SPIRE1: variants seen among roughly 807,000 people sequenced by gnomAD.
SPIRE1 encodes the protein spire type actin nucleation factor 1, also known as protein spire homolog 1.
A neutral mutation model predicts 94.1 loss-of-function variants in SPIRE1; 40 were observed. The observed-to-expected ratio is 0.43, with a 90% CI of 0.33 to 0.55. The LOEUF (loss-of-function observed/expected upper bound fraction) is 0.55. Among genes scored for constraint, SPIRE1 ranks in the 20% least tolerant of loss-of-function variants. The probability of loss-of-function intolerance (pLI) is 0.06; values close to 1 mark genes in which losing one functional copy is unlikely to be tolerated. For missense variants in SPIRE1, 838 were observed against 975.2 expected (o/e 0.86, Z 1.87); for synonymous variants, 376 against 371.7 (o/e 1.01, Z -0.13).
chr18:12,569,063 G>A (rs111979275), intron 2 of SPIRE1, among the ~76,000 whole-genome samples: 12 of 152,208 alleles, frequency 7.9e-5, no homozygotes, highest in African/African-American at 2.9e-4. Context: ...TAACATGGCC[G>A]GGTGCGGTGG....
chr18:12,657,739 T>C lies in SPIRE1; in HGVS notation c.128A>G (p.Glu43Gly). 1 of 1,383,172 alleles carries C rather than the reference T, an allele frequency of 7.2e-7. No homozygotes were observed. Among genetic ancestry groups the C allele is most frequent in the Non-Finnish European group, 9.4e-7 (1 of 1,059,042 alleles). The allele number at this position is 1,383,172 out of a possible 1,614,324, so 85.7% of individuals were successfully genotyped here. A position where few individuals can be genotyped will look rare whatever the true frequency, so the allele number is the denominator to read the frequency against. Residue 43 changes from glutamate to glycine, a missense_variant, in exon 1 of 17, where the codon GAG becomes GGG. Physicochemically the swap from Glu to Gly is moderately conservative, Grantham distance 98. Coordinates refer to ENST00000409402, the MANE Select transcript of SPIRE1 (RefSeq NM_001128626.2). The part of the protein sequence containing the change: ...AGGSRDALSL[E>G]EILRLYNQPI... ...CTGGTTGTACAGCCGCAGGATCTCC[T>C]CCAGGCTCAGCGCGTCCCGGGAGCC...
At chr18:12,482,385 C>T (rs932131709) in intron 9 of SPIRE1, among the ~76,000 whole-genome samples, 8 of 152,026 alleles carry the variant, frequency 5.3e-5, no homozygotes, top group Admixed American at 2.6e-4. Context: ...CCTTGTGATC[C>T]GCCTGCCTCA....
intron 2 of SPIRE1, among the ~76,000 whole-genome samples, chr18:12,552,957 T>C (rs1044756791): frequency 2.0e-5 from 3 of 152,176 alleles, no homozygotes; most frequent in Non-Finnish European, 4.4e-5. Flanking sequence ...AATGGATTTC[T>C]AGGTATACCC....
intron 2 of SPIRE1, among the ~76,000 whole-genome samples, chr18:12,552,227 C>A (rs1231077216): frequency 6.6e-6 from 1 of 152,224 alleles, no homozygotes; most frequent in Non-Finnish European, 1.5e-5. Flanking sequence ...ACAAGGACTG[C>A]AACTCCTGGC....
intron 3 of SPIRE1, among the ~76,000 whole-genome samples, chr18:12,545,029 G>C (rs1158534696): frequency 6.6e-6 from 1 of 152,146 alleles, no homozygotes; most frequent in Non-Finnish European, 1.5e-5. Context: ...TCAGATGTAT[G>C]AGTGGTTTTG....
At position 12,571,926 on chromosome 18, in the gene SPIRE1, G is replaced by A. The variant is rs191558333; in HGVS notation, c.373-25022C>T. On this transcript the variant is annotated intron_variant, in intron 2 of 16. Coordinates refer to ENST00000409402, the MANE Select transcript of SPIRE1 (RefSeq NM_001128626.2). ...TAACCATGTTAAACATTACAATAAC[G>A]AGAAGGTGTCATGGGAGCATATAAC... 1.4e-3 allele frequency among the ~76,000 whole-genome samples: 214 copies of A among 152,312 alleles called. 2 individuals are homozygous for A. The highest frequency in any genetic ancestry group is 2.7e-3 in the South Asian group (13 of 4,830).
intron 10 of SPIRE1, among the ~76,000 whole-genome samples, chr18:12,466,278 G>GAT (rs572118994): frequency 6.6e-5 from 10 of 151,682 alleles, no homozygotes; most frequent in South Asian, 2.1e-4. Flanking sequence ...AGTATCTATA[G>GAT]ATATATATAT....
chr18:12,449,416 G>T lies in SPIRE1; in HGVS notation c.*222C>A. The stretch of plus-strand genomic sequence containing the variant: ...ACACAAAAGTAAGTTTCAAACTGTT[G>T]TCCTCTCTCAGTGCAAACGAGCAAT... On this transcript the variant is annotated 3_prime_UTR_variant, in exon 17 of 17. Coordinates refer to ENST00000409402, the MANE Select transcript of SPIRE1 (RefSeq NM_001128626.2). 1 of 547,630 alleles carries T rather than the reference G, an allele frequency of 1.8e-6. No individual in the cohort carries two copies. Among genetic ancestry groups the T allele is most frequent in the Non-Finnish European group, 3.2e-6 (1 of 309,304 alleles). The allele number at this position is 547,630 out of a possible 1,614,324, so 33.9% of individuals were successfully genotyped here. A position where few individuals can be genotyped will look rare whatever the true frequency, so the allele number is the denominator to read the frequency against.
intron 10 of SPIRE1, among the ~76,000 whole-genome samples, chr18:12,468,604 G>A (rs1360951684): frequency 6.6e-6 from 1 of 152,142 alleles, no homozygotes; most frequent in African/African-American, 2.4e-5. Context: ...CAACTTAATC[G>A]AGAGGCTTCA....
intron 5 of SPIRE1, among the ~76,000 whole-genome samples, chr18:12,509,271 A>C (rs1472243380): frequency 6.6e-6 from 1 of 152,072 alleles, no homozygotes; most frequent in Non-Finnish European, 1.5e-5. Flanking sequence ...CGCAAATATA[A>C]CTCCCTCTGG....
chr18:12,590,968 T>A (rs1381752760), intron 2 of SPIRE1, among the ~76,000 whole-genome samples: 10 of 152,222 alleles, frequency 6.6e-5, no homozygotes, highest in Admixed American at 6.5e-4. Context: ...ATCCTCACTA[T>A]TTTTACATAT....
intron 4 of SPIRE1, among the ~76,000 whole-genome samples, chr18:12,531,363 C>G (rs1178395930): frequency 6.6e-6 from 1 of 152,222 alleles, no homozygotes; most frequent in Non-Finnish European, 1.5e-5. Flanking sequence ...CTCACATATT[C>G]TCTCTCCAGA....
intron 6 of SPIRE1, among the ~76,000 whole-genome samples, chr18:12,496,666 G>A (rs953287789): frequency 2.0e-5 from 3 of 152,108 alleles, no homozygotes; most frequent in African/African-American, 4.8e-5. Context: ...TCAGGAGATC[G>A]AGACCATCTT....
At chr18:12,541,855 CA>C (rs57869091) in intron 3 of SPIRE1, among the ~76,000 whole-genome samples, 81,221 of 149,400 alleles carry the variant, frequency 0.54, 23,010 homozygotes, top group Middle Eastern at 0.73. Context: ...GTAGCCACAT[CA>C]AAAAAAAATA....
At chr18:12,514,812 T>G (rs150228446) in intron 4 of SPIRE1, among the ~76,000 whole-genome samples, 2 of 152,032 alleles carry the variant, frequency 1.3e-5, no homozygotes, top group Non-Finnish European at 2.9e-5. Flanking sequence ...ATTCAGCCAA[T>G]AGGTGGATGA....
intron 1 of SPIRE1, among the ~76,000 whole-genome samples, chr18:12,648,188 C>T (rs191059907): frequency 2.9e-4 from 44 of 152,288 alleles, no homozygotes; most frequent in African/African-American, 1.0e-3. Flanking sequence ...GGTTTAATTA[C>T]CTGGCCCTAT....
At chr18:12,563,590 A>G (rs932073371) in intron 2 of SPIRE1, among the ~76,000 whole-genome samples, 4 of 152,200 alleles carry the variant, frequency 2.6e-5, no homozygotes, top group African/African-American at 7.2e-5. Flanking sequence ...AACTTCATCT[A>G]TATAGTCCAA....
chr18:12,615,951 A>G (rs1438860970), intron 2 of SPIRE1, among the ~76,000 whole-genome samples: 1 of 152,196 alleles, frequency 6.6e-6, no homozygotes, highest in East Asian at 1.9e-4. Flanking sequence ...TGAGTTGCAG[A>G]ATTCTCTCAA....
intron 8 of SPIRE1, among the ~76,000 whole-genome samples, chr18:12,489,315 T>G (rs2033149786): frequency 1.3e-5 from 2 of 152,258 alleles, no homozygotes; most frequent in Admixed American, 6.5e-5. Context: ...CTACTCTAGA[T>G]TGTCCTAATT....
Sources: allele counts gnomAD v4.1 joint callset (sites outside exome capture counted in the v4.1 genomes callset), GRCh38; gene constraint gnomAD v4.1.1; transcripts MANE v1.5; gene names NCBI Gene and HGNC (gene_info 2026-07-23, HGNC 2026-07-21).